The following PCDHGA4 variants were observed in gnomAD, a reference collection of about 807,000 sequenced individuals.
PCDHGA4 encodes protocadherin gamma subfamily A, 4.
PCDHGA4 carries 38 observed loss-of-function variants against 54.6 expected under a neutral mutation model. The ratio of observed to expected loss-of-function variants is 0.70; its 90% CI spans 0.54 to 0.91. The LOEUF is 0.91. PCDHGA4 is among the 40% of genes least tolerant of loss of function. The probability of loss-of-function intolerance (pLI) is 0.00; values close to 1 mark genes in which losing one functional copy is unlikely to be tolerated. For synonymous variants in PCDHGA4, 511 were observed against 512.9 expected, an observed-to-expected ratio of 1.00 and a Z score of 0.05; for missense variants, 1,298 against 1,220.9, an observed-to-expected ratio of 1.06 and a Z score of -0.94.
At chr5:141,409,840 G>A (rs1361942011) in intron 1 of PCDHGA4, 3 of 1,611,558 alleles carry the variant, frequency 1.9e-6, no homozygotes, top group African/African-American at 1.3e-5. Flanking sequence ...GCGCCAACGT[G>A]AGCCTGCGCG....
rs758405089 is a variant in PCDHGA4 at position 141,383,617 on chromosome 5, C to T, written c.2514+25996C>T. 5.1e-5 allele frequency: 82 copies of T among 1,613,734 alleles called. No homozygotes were observed. The Admixed American group carries it at 9.0e-4, about 18-fold the overall frequency. On this transcript the variant is annotated intron_variant, in intron 1 of 3. Coordinates refer to ENST00000571252, the MANE Select transcript of PCDHGA4 (RefSeq NM_018917.4). ...AGTGGTGGATGTGAATGACCACACG[C>T]CTGTCTTCTCTCTGCCTCAGTACCA...
rs200646513 is a variant in PCDHGA4, at chr5:141,421,389, G to A, written c.2514+63768G>A. ...TGGGCAATATCTCCAAGGACCTGGG[G>A]CTGGAGCCCCGGGAGCTGGCGAAGC... On this transcript the variant is annotated intron_variant, in intron 1 of 3. Coordinates refer to ENST00000571252, the MANE Select transcript of PCDHGA4 (RefSeq NM_018917.4). The A allele has an allele frequency of 1.7e-3, 2,771 of 1,614,052 alleles. 5 individuals carry two copies. The highest frequency in any genetic ancestry group is 2.2e-3 in the Non-Finnish European group (2,560 of 1,179,918).
At chr5:141,465,293 G>A (rs1407146382) in intron 1 of PCDHGA4, among the ~76,000 whole-genome samples, 2 of 152,258 alleles carry the variant, frequency 1.3e-5, no homozygotes, top group South Asian at 2.1e-4. Flanking sequence ...AAAGAACTGA[G>A]AGTCCTGGGA....
intron 3 of PCDHGA4, among the ~76,000 whole-genome samples, chr5:141,510,329 A>G (rs1433056614): frequency 6.7e-6 from 1 of 150,230 alleles, no homozygotes; most frequent in South Asian, 2.1e-4. Context: ...AGCACTCTTC[A>G]CCCCCACCCC....
chr5:141,439,162 C>T (rs1422780686), intron 1 of PCDHGA4, among the ~76,000 whole-genome samples: 1 of 149,498 alleles, frequency 6.7e-6, no homozygotes, highest in Non-Finnish European at 1.5e-5. Flanking sequence ...CACTGCACTC[C>T]AGCCTGGGCG....
rs549829392 is a variant in PCDHGA4 at position 141,403,606 on chromosome 5, C to T, written c.2514+45985C>T. The T allele has an allele frequency of 3.1e-5, 50 of 1,613,710 alleles. No homozygotes were observed. The East Asian group carries it at 8.5e-4, about 27-fold the overall frequency. Reference sequence around the variant, plus strand: ...TGGTCCTCACGGCCTCGGATGGCGGCGAGCCGCGTCGCTCCAGCACAGTGC... The same window carrying T: ...TGGTCCTCACGGCCTCGGATGGCGGTGAGCCGCGTCGCTCCAGCACAGTGC... On this transcript the variant is annotated intron_variant, in intron 1 of 3. Coordinates refer to ENST00000571252, the MANE Select transcript of PCDHGA4 (RefSeq NM_018917.4).
Position 141,486,388 on chromosome 5 carries a change from C to T in PCDHGA4, c.2515-8419C>T, listed in dbSNP as rs2099628930. ...TCAAGTCTGCCTTCAGGAACCAGTT[C>T]TCCCTGGTGACTGCTGGACCCTTGG... On this transcript the variant is annotated intron_variant, in intron 1 of 3. Coordinates refer to ENST00000571252, the MANE Select transcript of PCDHGA4 (RefSeq NM_018917.4). This position sits in a 1 kb window ranked among gnomAD's most constrained non-coding sequence, Gnocchi z 5.0. 2 of 1,613,988 alleles carry T rather than the reference C, an allele frequency of 1.2e-6. No individual in the cohort carries two copies. The highest frequency in any genetic ancestry group is 2.7e-5 in the African/African-American group (2 of 74,924).
Position 141,357,170 on chromosome 5 carries a change from C to G in PCDHGA4, c.2063C>G (p.Thr688Ser). ...QDHGQPPLSA[T>S]VTLTVAVADS... is the part of the protein sequence containing the mutation. ...CATGGCCAGCCCCCTCTCTCGGCCA[C>G]CGTCACACTCACTGTGGCTGTGGCC... The change falls in exon 1 of 4, where the codon ACC becomes AGC. Residue 688 changes from threonine (T) to serine (S), a missense_variant. By Grantham distance (58) the Thr-to-Ser change is moderately conservative (BLOSUM62 1). Transcript: ENST00000571252. 1 of 1,613,716 alleles carries G rather than the reference C, an allele frequency of 6.2e-7. No individual in the cohort carries two copies. Among genetic ancestry groups the G allele is most frequent in the South Asian group, 1.1e-5 (1 of 91,082 alleles).
At chr5:141,395,151 A>G in intron 1 of PCDHGA4, 1 of 1,612,516 alleles carries the variant, frequency 6.2e-7, no homozygotes, top group Non-Finnish European at 8.5e-7. Flanking sequence ...AGACATGCTC[A>G]TCAGTCAGGA....
chr5:141,470,242 T>G (rs1301513342), intron 1 of PCDHGA4, among the ~76,000 whole-genome samples: 1 of 152,226 alleles, frequency 6.6e-6, no homozygotes, highest in African/African-American at 2.4e-5. Flanking sequence ...CCCTTGAATG[T>G]CCCACCTGTC....
chr5:141,477,063 A>G lies in PCDHGA4; in HGVS notation c.2515-17744A>G, dbSNP rs2099404387. 6.2e-7 allele frequency: 1 copy of G among 1,614,248 alleles called. No individual in the cohort carries two copies. On this transcript the variant is annotated intron_variant, in intron 1 of 3. Coordinates refer to ENST00000571252, the MANE Select transcript of PCDHGA4 (RefSeq NM_018917.4). The surrounding 1 kb of genome is among the most constrained non-coding windows in gnomAD (Gnocchi z 4.9). Reference sequence around the variant, plus strand: ...GGTCGGCTGGACTTCGAGGACACCAAACTCCATGAGATTTACATCCAGGCC... The same window carrying G: ...GGTCGGCTGGACTTCGAGGACACCAGACTCCATGAGATTTACATCCAGGCC...
chr5:141,510,853 CTGT>C, intron 3 of PCDHGA4, 91 bp from the exon 4 acceptor site: 3 of 1,601,238 alleles, frequency 1.9e-6, no homozygotes, highest in Middle Eastern at 1.7e-4. Context: ...GCCCAGGGTG[CTGT>C]ATAGGCATTC....
At position 141,487,398 on chromosome 5, in the gene PCDHGA4, G is replaced by A. The variant is rs1342197934; in HGVS notation, c.2515-7409G>A. 1.9e-6 allele frequency: 3 copies of A among 1,613,926 alleles called. No individual in the cohort carries two copies. The African/African-American group carries it at 4.0e-5, about 22-fold the overall frequency. ...CTCACCAGATCTCGAAGGAGGGAGGGGCTTCCCCCTTCCAATGGGATCCTC... is the reference window on the plus strand; with the variant it reads ...CTCACCAGATCTCGAAGGAGGGAGGAGCTTCCCCCTTCCAATGGGATCCTC... On this transcript the variant is annotated intron_variant, in intron 1 of 3. Transcript: ENST00000571252. The surrounding 1 kb of genome is among the most constrained non-coding windows in gnomAD (Gnocchi z 5.0).
chr5:141,372,473 A>G lies in PCDHGA4; in HGVS notation c.2514+14852A>G, dbSNP rs780091616. 54 of 1,613,996 alleles carry G rather than the reference A, an allele frequency of 3.3e-5. 1 individual carries two copies. The South Asian group carries it at 3.6e-4, about 11-fold the overall frequency. On this transcript the variant is annotated intron_variant, in intron 1 of 3. Transcript: ENST00000571252. ...AGGCGGAGCTACAGTTTCACCTAGT[A>G]GTGGCGTTGGCCTTGATCTCAGTGC... is the stretch of plus-strand genomic sequence containing the variant.
At chr5:141,422,639 C>A (rs777330051) in intron 1 of PCDHGA4, 1 of 1,612,780 alleles carries the variant, frequency 6.2e-7, no homozygotes, top group South Asian at 1.1e-5. Context: ...AGGGGTGCCT[C>A]CATCTTCTCA....
At chr5:141,361,007 T>A (rs1437909553) in intron 1 of PCDHGA4, 2 of 1,613,400 alleles carry the variant, frequency 1.2e-6, no homozygotes, top group Non-Finnish European at 1.7e-6. Flanking sequence ...GTGAAACACT[T>A]TTTCAACTTA....
intron 1 of PCDHGA4, chr5:141,417,493 G>A (rs1463793261): frequency 4.7e-6 from 1 of 214,978 alleles, no homozygotes; most frequent in East Asian, 1.1e-4. Context: ...GAATCACTGA[G>A]GAAAAAGATT....
At chr5:141,470,900 G>A (rs1454085317) in intron 1 of PCDHGA4, among the ~76,000 whole-genome samples, 4 of 151,832 alleles carry the variant, frequency 2.6e-5, no homozygotes, top group African/African-American at 9.7e-5. Context: ...GTTTTTTGTA[G>A]AGATGGGACT....
At chr5:141,405,397 T>A (rs1383127737) in intron 1 of PCDHGA4, 3 of 1,591,464 alleles carry the variant, frequency 1.9e-6, no homozygotes, top group Admixed American at 1.8e-5. Context: ...TTTTTTTCTT[T>A]CTTTCTTTTC....
Sources: allele counts gnomAD v4.1 joint callset (sites outside exome capture counted in the v4.1 genomes callset), GRCh38; gene constraint gnomAD v4.1.1; non-coding constraint Gnocchi (gnomAD v3.1); transcripts MANE v1.5; gene names NCBI Gene and HGNC (gene_info 2026-07-23, HGNC 2026-07-21).